The following ZNF148 variants were observed in gnomAD, a reference collection of about 807,000 sequenced individuals.
ZNF148 encodes the protein zinc finger protein 148.
Under a neutral mutation model 67.7 loss-of-function variants are expected in ZNF148, and 7 were observed. That is an observed-to-expected ratio of 0.10 (90% CI 0.06 to 0.19). The LOEUF is 0.19. ZNF148 is among the 10% of genes least tolerant of loss of function. The probability of loss-of-function intolerance (pLI) is 1.00; values close to 1 mark genes in which losing one functional copy is unlikely to be tolerated. For missense variants in ZNF148, 583 were observed against 947.1 expected (o/e 0.62, Z 5.05); for synonymous variants, 333 against 330.7 (o/e 1.01, Z -0.08).
At chr3:125,338,703 AC>A (rs1941599657) in intron 1 of ZNF148, 1 of 151,596 alleles carries the variant, frequency 6.6e-6, no homozygotes, top group African/African-American at 2.4e-5. Flanking sequence ...GTCAAAAATA[AC>A]AAGAATGGAA....
At chr3:125,262,263 C>G (rs1937378207) in intron 7 of ZNF148, among the ~76,000 whole-genome samples, 1 of 152,190 alleles carries the variant, frequency 6.6e-6, no homozygotes, top group Admixed American at 6.5e-5. Context: ...TGCCTTTTAT[C>G]ATGTATTACA....
In ZNF148 at chr3:125,233,747, T is replaced by C; in HGVS notation, c.979A>G (p.Met327Val). ...TTGTCCAAAGCACTCTCTTTGTCCA[T>C]TCCAGATGATTTTTTCTCCGTTTTC... ...RQKTEKKSSG[M>V]DKESALDKSD... is the part of the protein sequence containing the mutation. Residue 327 changes from methionine (M) to valine (V), a missense_variant, in exon 9 of 9, where the codon ATG (methionine) becomes GTG (valine). By Grantham distance (21) the Met-to-Val change is conservative. This residue lies in a region of ZNF148 where 78 missense variants were observed against 86.5 expected (regional missense o/e 0.90). Coordinates refer to ENST00000360647, the MANE Select transcript of ZNF148 (RefSeq NM_021964.3). The surrounding 1 kb of genome is among the most constrained non-coding windows in gnomAD (Gnocchi z 5.1). 1 of 1,613,784 alleles carries C rather than the reference T, an allele frequency of 6.2e-7. No homozygotes were observed. Among genetic ancestry groups the C allele is most frequent in the Non-Finnish European group, 8.5e-7 (1 of 1,179,874 alleles).
intron 4 of ZNF148, among the ~76,000 whole-genome samples, chr3:125,308,451 T>C (rs570680528): frequency 2.7e-4 from 41 of 151,614 alleles, no homozygotes; most frequent in Admixed American, 7.9e-4. Context: ...GCCATTATTG[T>C]TTAGATGTTG....
intron 7 of ZNF148, among the ~76,000 whole-genome samples, chr3:125,265,050 A>C (rs1336378215): frequency 6.6e-6 from 1 of 152,266 alleles, no homozygotes; most frequent in African/African-American, 2.4e-5. Context: ...ACAATATTCC[A>C]AGAACAGCTT....
chr3:125,249,353 G>A (rs960881226), intron 7 of ZNF148, among the ~76,000 whole-genome samples: 97 of 152,104 alleles, frequency 6.4e-4, no homozygotes, highest in East Asian at 3.3e-3. Context: ...TTTTAAAATG[G>A]GCAAAGGACC....
chr3:125,254,696 AT>A (rs34847960), intron 7 of ZNF148, among the ~76,000 whole-genome samples: 20 of 149,692 alleles, frequency 1.3e-4, no homozygotes, highest in South Asian at 2.1e-4. Context: ...CATACACTGC[AT>A]TTTTTTTTCA....
At position 125,310,459 on chromosome 3, in the gene ZNF148, T is replaced by C. The variant is rs761855462; in HGVS notation, c.333+2849A>G. 2.0e-3 allele frequency among the ~76,000 whole-genome samples: 306 copies of C among 152,256 alleles called. 3 individuals carry two copies. In the Middle Eastern group the frequency reaches 0.02, roughly 10 times the overall value. On this transcript the variant is annotated intron_variant, in intron 4 of 8. Coordinates refer to ENST00000360647, the MANE Select transcript of ZNF148 (RefSeq NM_021964.3). ...AATACAACTATCAAAATCTATGCAA[T>C]GTAGCTAATGCAGTGCTTAGAGGAA...
intron 1 of ZNF148, among the ~76,000 whole-genome samples, chr3:125,342,855 A>C (rs945773368): frequency 6.6e-6 from 1 of 152,224 alleles, no homozygotes; most frequent in Non-Finnish European, 1.5e-5. Flanking sequence ...GGTAAAATAA[A>C]AGTGAGGTTT....
chr3:125,327,765 T>C (rs1407648025), intron 2 of ZNF148, among the ~76,000 whole-genome samples: 1 of 152,088 alleles, frequency 6.6e-6, no homozygotes, highest in African/African-American at 2.4e-5. Flanking sequence ...AACTTCTAAA[T>C]AACAAAGACA....
chr3:125,332,573 CTGAG>C (rs1433897574), intron 1 of ZNF148, among the ~76,000 whole-genome samples: 3 of 152,208 alleles, frequency 2.0e-5, no homozygotes, highest in African/African-American at 7.2e-5. Context: ...TAACAAGTAG[CTGAG>C]TCTCAGCAAA....
intron 3 of ZNF148, chr3:125,315,055 T>C (rs1034709648): frequency 1.3e-5 from 2 of 152,152 alleles, no homozygotes; most frequent in African/African-American, 2.4e-5. Flanking sequence ...AATAAGACCC[T>C]GTCTCAAAAA....
chr3:125,360,061 G>C lies in ZNF148; in HGVS notation c.-234+15041C>G, dbSNP rs116544931. Among the ~76,000 whole-genome samples, 4 of 152,164 alleles carry C rather than the reference G, an allele frequency of 2.6e-5. No homozygotes were observed. In the East Asian group the frequency reaches 5.8e-4, roughly 22 times the overall value. Reference sequence around the variant, plus strand: ...CTTAATGATGCTTGTCAATATCCTCGCCCCTACAAACCATGGCCTGTTTAA... The same window carrying C: ...CTTAATGATGCTTGTCAATATCCTCCCCCCTACAAACCATGGCCTGTTTAA... On this transcript the variant is annotated intron_variant, in intron 1 of 8. Transcript: ENST00000360647.
intron 4 of ZNF148, among the ~76,000 whole-genome samples, chr3:125,308,884 T>C (rs1224666639): frequency 6.6e-6 from 1 of 152,242 alleles, no homozygotes; most frequent in Non-Finnish European, 1.5e-5. Context: ...CAAATTTTGA[T>C]ATTAATTAAA....
At chr3:125,327,637 A>G (rs534526626) in intron 2 of ZNF148, among the ~76,000 whole-genome samples, 9 of 152,332 alleles carry the variant, frequency 5.9e-5, no homozygotes, top group African/African-American at 1.4e-4. Context: ...CCTGGGCAAC[A>G]CAGCAAGACC....
intron 7 of ZNF148, among the ~76,000 whole-genome samples, chr3:125,268,493 T>C (rs1048149885): frequency 6.6e-6 from 1 of 152,128 alleles, no homozygotes; most frequent in African/African-American, 2.4e-5. Flanking sequence ...CAGTGGAAAC[T>C]AGCTAACCAT....
intron 1 of ZNF148, among the ~76,000 whole-genome samples, chr3:125,365,810 G>C (rs759079747): frequency 5.9e-5 from 9 of 152,192 alleles, no homozygotes; most frequent in Non-Finnish European, 1.2e-4. Flanking sequence ...AACAGATCAA[G>C]AGCCTCACGT....
chr3:125,287,846 A>G (rs1214366538), intron 5 of ZNF148, among the ~76,000 whole-genome samples: 1 of 152,220 alleles, frequency 6.6e-6, no homozygotes, highest in Non-Finnish European at 1.5e-5. Context: ...ACAAATGAGA[A>G]GAAAGGGCAA....
chr3:125,235,343 C>A (rs182882111), intron 7 of ZNF148, among the ~76,000 whole-genome samples: 2 of 152,270 alleles, frequency 1.3e-5, no homozygotes, highest in East Asian at 1.9e-4. Flanking sequence ...TTTACTTTTA[C>A]ATCTTTATAT....
At chr3:125,267,217 C>A (rs1424078570) in intron 7 of ZNF148, among the ~76,000 whole-genome samples, 1 of 151,766 alleles carries the variant, frequency 6.6e-6, no homozygotes, top group Non-Finnish European at 1.5e-5. Context: ...TTCTACGAAA[C>A]CAGTATCATC....
Sources: allele counts gnomAD v4.1 joint callset (sites outside exome capture counted in the v4.1 genomes callset), GRCh38; gene constraint gnomAD v4.1.1; regional missense constraint gnomAD v4.1.1; non-coding constraint Gnocchi (gnomAD v3.1); transcripts MANE v1.5; gene names NCBI Gene and HGNC (gene_info 2026-07-23, HGNC 2026-07-21).